C1orf167: variants seen among roughly 807,000 people sequenced by gnomAD.
The protein encoded by C1orf167 is uncharacterized protein C1orf167.
C1orf167 carries 153 observed loss-of-function variants against 176.5 expected under a neutral mutation model. The ratio of observed to expected loss-of-function variants is 0.87; its 90% confidence interval spans 0.76 to 0.99. The LOEUF (loss-of-function observed/expected upper bound fraction) is 0.99, where lower values mean the gene tolerates loss of function less well. Among genes scored for constraint, C1orf167 ranks in the 50% least tolerant of loss-of-function variants. The probability of loss-of-function intolerance (pLI) is 0.00; values close to 1 mark genes in which losing one functional copy is unlikely to be tolerated. For synonymous variants in C1orf167, 594 were observed against 752.7 expected, an observed-to-expected ratio of 0.79 and a Z score of 3.45; for missense variants, 1,490 against 1,817.7, an observed-to-expected ratio of 0.82 and a Z score of 3.28.
Position 11,779,834 on chromosome 1 carries a change from C to T in C1orf167, c.2684C>T (p.Ala895Val), listed in dbSNP as rs570654251. ...CTCAGCTGGAGCCGCTGGGCAACAG[C>T]CCAATGGGCCTGGAGAGAGCTGGCT... is the stretch of plus-strand genomic sequence containing the variant. ...IFLSWSRWAT[A>V]QWAWRELASH... Residue 895 changes from alanine to valine, a missense_variant, in exon 13 of 21, where the codon GCC (alanine) becomes GTC (valine). Ala to Val is a moderately conservative substitution (Grantham distance 64, BLOSUM62 0). Coordinates refer to ENST00000688073, the MANE Select transcript of C1orf167 (RefSeq NM_001010881.2). The T allele has an allele frequency of 3.1e-6, 4 of 1,302,930 alleles. No homozygotes were observed. The African/African-American group carries it at 6.1e-5, about 20-fold the overall frequency. 80.7% of individuals were successfully genotyped at this position (1,302,930 alleles called of 1,614,324 possible).
chr1:11,777,518 G>A (rs989722760), intron 10 of C1orf167: 2 of 152,138 alleles, frequency 1.3e-5, no homozygotes, highest in Non-Finnish European at 2.9e-5. Context: ...AGGCGTGGTG[G>A]TGCTCGCCTG....
Position 11,789,403 on chromosome 1 carries a change from G to A in C1orf167, c.4307G>A (p.Gly1436Asp), listed in dbSNP as rs559850818. The A allele has an allele frequency of 1.1e-5, 14 of 1,304,018 alleles. No individual in the cohort carries two copies. Among genetic ancestry groups the A allele is most frequent in the Middle Eastern group, 2.2e-4 (1 of 4,636 alleles). 80.8% of individuals were successfully genotyped at this position (1,304,018 alleles called of 1,614,324 possible). ...CAGGAAGCCGCCAGAGCACCGCGGG[G>A]TTGGGGGCTTGGGGCAGAGCATGGG... is the stretch of plus-strand genomic sequence containing the variant. ...SGQEAARAPR[G>D]WGLGAEHGAQ... The change falls in exon 21 of 21, where the codon GGT (glycine) becomes GAT (aspartate). Residue 1436 changes from glycine to aspartate, a missense_variant. By Grantham distance (94) the Gly-to-Asp change is moderately conservative. Transcript: ENST00000688073.
Position 11,768,177 on chromosome 1 carries a change from T to A in C1orf167, c.1444T>A (p.Leu482Met). The A allele has an allele frequency of 7.8e-7, 1 of 1,287,916 alleles. No individual in the cohort carries two copies. The highest frequency in any genetic ancestry group is 1.0e-6 in the Non-Finnish European group (1 of 987,220). The allele number at this position is 1,287,916 out of a possible 1,614,324, so 79.8% of individuals were successfully genotyped here. A position where few individuals can be genotyped will look rare whatever the true frequency, so the allele number is the denominator to read the frequency against. Residue 482 changes from leucine (L) to methionine (M), a missense_variant, in exon 5 of 21, where the codon TTG becomes ATG. Transcript: ENST00000688073. This position sits in a 1 kb window ranked among gnomAD's most constrained non-coding sequence, Gnocchi z 4.5. ...AGTGGCACTGGGCCGCTGGCAGCTG[T>A]TGCGAAAGTGCCTTCAGGCCTTGTG... ...AAVALGRWQL[L>M]RKCLQALWLR...
intron 8 of C1orf167, among the ~76,000 whole-genome samples, 185 bp downstream of exon 8, chr1:11,772,444 T>G (rs1243134442): frequency 6.6e-6 from 1 of 152,102 alleles, no homozygotes; most frequent in African/African-American, 2.4e-5. Flanking sequence ...TTTTTGTATT[T>G]TTGATAGAGA....
intron 1 of C1orf167, 105 bp downstream of exon 1, chr1:11,762,410 G>A: frequency 3.0e-6 from 1 of 338,210 alleles, no homozygotes; most frequent in Non-Finnish European, 5.9e-6. Flanking sequence ...GGGGTGGAGT[G>A]GGAGGGGGGA....
rs1261339619 is a variant in C1orf167, at chr1:11,785,183, G to A, written c.3461G>A (p.Gly1154Asp). 1.5e-6 allele frequency: 2 copies of A among 1,291,560 alleles called. No individual in the cohort carries two copies. Among genetic ancestry groups the A allele is most frequent in the Admixed American group, 4.6e-5 (2 of 43,558 alleles). 80.0% of individuals were successfully genotyped at this position (1,291,560 alleles called of 1,614,324 possible). A position where few individuals can be genotyped will look rare whatever the true frequency, so the allele number is the denominator to read the frequency against. Residue 1154 changes from glycine (G) to aspartate (D), a missense_variant, in exon 16 of 21, where the codon GGC (glycine) becomes GAC (aspartate). Gly to Asp is a moderately conservative substitution (Grantham distance 94). Transcript: ENST00000688073. The stretch of plus-strand genomic sequence containing the variant: ...GCCTCGGTGCAGTCGGCGGTGCGCG[G>A]CGGTGTCCAGCGAGCCATCCTCACC... ...LEASVQSAVR[G>D]GVQRAILTQL...
In C1orf167 at chr1:11,787,963, C is replaced by T. The variant is rs931355611; in HGVS notation, c.3764C>T (p.Thr1255Met). ...TGGGTCCCAGGCCTGCCCCTGTGGA[C>T]GAGGGACCAGGGACCAAGAGCGCAC... is the stretch of plus-strand genomic sequence containing the variant. ...SSWVPGLPLWTRDQGPRAHSS... is the reference protein window; with the variant it reads ...SSWVPGLPLWMRDQGPRAHSS... Residue 1255 changes from threonine to methionine, a missense_variant, in exon 18 of 21, where the codon ACG becomes ATG. Transcript: ENST00000688073. The T allele has an allele frequency of 4.8e-5, 63 of 1,304,202 alleles. No homozygotes were observed. The highest frequency in any genetic ancestry group is 2.5e-4 in the Admixed American group (11 of 43,552). The allele number at this position is 1,304,202 out of a possible 1,614,324, so 80.8% of individuals were successfully genotyped here.
In C1orf167 at chr1:11,778,437, G is replaced by A. The variant is rs1643427893; in HGVS notation, c.2340-223G>A. On this transcript the variant is annotated intron_variant, in intron 10 of 20. Coordinates refer to ENST00000688073, the MANE Select transcript of C1orf167 (RefSeq NM_001010881.2). The stretch of plus-strand genomic sequence containing the variant: ...GTCAGAATCTAGCAGAATCTAGGGT[G>A]GGACCCTGGTGGGCATCGGTACCTC... 3.5e-5 allele frequency: 10 copies of A among 283,832 alleles called. 1 individual carries two copies. Among genetic ancestry groups the A allele is most frequent in the South Asian group, 3.3e-4 (10 of 30,540 alleles). The allele number at this position is 283,832 out of a possible 1,614,324, so 17.6% of individuals were successfully genotyped here. A position where few individuals can be genotyped will look rare whatever the true frequency, so the allele number is the denominator to read the frequency against.
intron 6 of C1orf167, among the ~76,000 whole-genome samples, chr1:11,770,404 T>C (rs1642994927): frequency 6.6e-6 from 1 of 151,992 alleles, no homozygotes; most frequent in Non-Finnish European, 1.5e-5. Context: ...AAATGGAAAC[T>C]ATGCTTATCT....
At chr1:11,771,482 C>A in intron 6 of C1orf167, 42 bp from the exon 7 acceptor site, 1 of 1,249,836 alleles carries the variant, frequency 8.0e-7, no homozygotes, top group Non-Finnish European at 1.0e-6. Flanking sequence ...AGTGCCCTTC[C>A]TCCCGGGTCA....
intron 7 of C1orf167, 133 bp from the exon 8 acceptor site, chr1:11,771,949 G>T: frequency 3.2e-6 from 2 of 619,820 alleles, no homozygotes; most frequent in Non-Finnish European, 2.4e-6. Context: ...CTGGAGTATT[G>T]GAGCTAGACT....
intron 17 of C1orf167, 101 bp downstream of exon 17, chr1:11,787,594 T>C: frequency 1.1e-6 from 1 of 888,712 alleles, no homozygotes; most frequent in East Asian, 6.7e-5. Flanking sequence ...TGGGACACGG[T>C]CTTATGTGTA....
Position 11,765,976 on chromosome 1 carries a change from C to G in C1orf167, c.190C>G (p.Leu64Val), listed in dbSNP as rs577967430. 5.5e-4 allele frequency: 703 copies of G among 1,287,678 alleles called. 13 individuals are homozygous for G. The South Asian group carries it at 7.8e-3, about 14-fold the overall frequency. 79.8% of individuals were successfully genotyped at this position (1,287,678 alleles called of 1,614,324 possible). Residue 64 changes from leucine to valine, a missense_variant, in exon 3 of 21, where the codon CTA (leucine) becomes GTA (valine). Leu to Val is a conservative substitution (Grantham distance 32). Coordinates refer to ENST00000688073, the MANE Select transcript of C1orf167 (RefSeq NM_001010881.2). ...TGCCACACCCTCCCCAGGGGCAGTG[C>G]TAGACCAGGAGCCCTGCCGAGTCCA... is the stretch of plus-strand genomic sequence containing the variant. Reference protein sequence around the residue: ...PAATPSPGAVLDQEPCRVQTN... With the variant: ...PAATPSPGAVVDQEPCRVQTN...
In C1orf167 at chr1:11,788,274, G is replaced by T. The variant is rs894010474; in HGVS notation, c.3974G>T (p.Gly1325Val). 3.8e-6 allele frequency: 5 copies of T among 1,303,774 alleles called. No homozygotes were observed. The highest frequency in any genetic ancestry group is 5.1e-6 in the Non-Finnish European group (5 of 988,698). The allele number at this position is 1,303,774 out of a possible 1,614,324, so 80.8% of individuals were successfully genotyped here. A position where few individuals can be genotyped will look rare whatever the true frequency, so the allele number is the denominator to read the frequency against. Residue 1325 changes from glycine (G) to valine (V), a missense_variant, in exon 19 of 21, where the codon GGC becomes GTC. Coordinates refer to ENST00000688073, the MANE Select transcript of C1orf167 (RefSeq NM_001010881.2). ...GTACCTGCAGCGCCGGTGCCTCGAGGCACTGCTTCACGGGCTGCGGGGTTC... is the reference window on the plus strand; with the variant it reads ...GTACCTGCAGCGCCGGTGCCTCGAGTCACTGCTTCACGGGCTGCGGGGTTC... ...EEVPAAPVPR[G>V]TASRAAGFPA...
At chr1:11,782,757 C>A (rs958478219) in intron 14 of C1orf167, among the ~76,000 whole-genome samples, 2 of 152,030 alleles carry the variant, frequency 1.3e-5, no homozygotes, top group Admixed American at 6.6e-5. Context: ...CCCATCTCTA[C>A]TAAAAATATG....
At chr1:11,769,344 G>A (rs1226928116) in intron 6 of C1orf167, among the ~76,000 whole-genome samples, 1 of 152,126 alleles carries the variant, frequency 6.6e-6, no homozygotes. Context: ...CAACACTTTG[G>A]GAGGCCTCGG....
In C1orf167 at chr1:11,785,231, GGC is replaced by G; in HGVS notation, c.3512_3513del (p.Arg1171LeufsTer75). On this transcript the variant is annotated frameshift_variant, in exon 16 of 21. Transcript: ENST00000688073. LOFTEE classifies it high-confidence loss of function. ...ACCCAGCTCCGGCCGGCTGAGCTCA[GGC>G]GCTTCCTGCGGACAGTGCAGCTCAG... 1 of 1,291,574 alleles carries G rather than the reference GGC, an allele frequency of 7.7e-7. No individual in the cohort carries two copies. Among genetic ancestry groups the G allele is most frequent in the Non-Finnish European group, 1.0e-6 (1 of 988,804 alleles). 80.0% of individuals were successfully genotyped at this position (1,291,574 alleles called of 1,614,324 possible). A position where few individuals can be genotyped will look rare whatever the true frequency, so the allele number is the denominator to read the frequency against.
intron 1 of C1orf167, among the ~76,000 whole-genome samples, chr1:11,762,791 G>C (rs956278012): frequency 7.2e-5 from 11 of 152,230 alleles, no homozygotes; most frequent in Non-Finnish European, 1.5e-5. Flanking sequence ...TGTTCTATGG[G>C]CTGCAAATCC....
chr1:11,767,685 G>A (rs1007301700), intron 4 of C1orf167, among the ~76,000 whole-genome samples: 2 of 152,112 alleles, frequency 1.3e-5, no homozygotes, highest in African/African-American at 4.8e-5. Context: ...AATCAGCCGG[G>A]TGGGGTGGTG....
Sources: allele counts gnomAD v4.1 joint callset (sites outside exome capture counted in the v4.1 genomes callset), GRCh38; gene constraint gnomAD v4.1.1; non-coding constraint Gnocchi (gnomAD v3.1); transcripts MANE v1.5; gene names NCBI Gene and HGNC (gene_info 2026-07-23, HGNC 2026-07-21).